The following PKD1L1 variants were observed in gnomAD, a reference collection of about 807,000 sequenced individuals.
PKD1L1 encodes the protein polycystin-1-like protein 1.
PKD1L1 carries 236 observed loss-of-function variants against 323.4 expected under a neutral mutation model. That is an observed-to-expected ratio of 0.73 (90% confidence interval 0.66 to 0.81). PKD1L1 has a LOEUF of 0.81. PKD1L1 is among the 40% of genes least tolerant of loss of function. The probability of loss-of-function intolerance (pLI) is 0.00; values close to 1 mark genes in which losing one functional copy is unlikely to be tolerated. For synonymous variants in PKD1L1, 1,344 were observed against 1,335.0 expected, an observed-to-expected ratio of 1.01 and a Z score of -0.15; for missense variants, 3,320 against 3,508.0, an observed-to-expected ratio of 0.95 and a Z score of 1.35.
intron 27 of PKD1L1, 64 bp downstream of exon 27, chr7:47,858,609 T>C (rs1405178565): frequency 1.4e-6 from 2 of 1,456,710 alleles, no homozygotes; most frequent in Non-Finnish European, 1.9e-6. Context: ...CAATTACAAA[T>C]ACAGGTTAAC....
chr7:47,817,615 T>A (rs1490951872), intron 46 of PKD1L1, among the ~76,000 whole-genome samples: 1 of 152,220 alleles, frequency 6.6e-6, no homozygotes, highest in African/African-American at 2.4e-5. Flanking sequence ...AGGCCTATAA[T>A]CCTAGCACTT....
chr7:47,858,017 CA>C (rs1318818468), intron 27 of PKD1L1, among the ~76,000 whole-genome samples, 185 bp from the exon 28 acceptor site: 1 of 152,164 alleles, frequency 6.6e-6, no homozygotes, highest in African/African-American at 2.4e-5. Context: ...TGTTCTTAAA[CA>C]CTTGTGAGTA....
intron 46 of PKD1L1, among the ~76,000 whole-genome samples, chr7:47,820,675 T>G (rs1477210542): frequency 6.6e-6 from 1 of 151,518 alleles, no homozygotes; most frequent in East Asian, 1.9e-4. Flanking sequence ...TGCAGTGAGC[T>G]GAGATGGCGC....
At chr7:47,953,314 C>T (rs774050539), upstream of PKD1L1, among the ~76,000 whole-genome samples, 2 of 152,194 alleles carry the variant, frequency 1.3e-5, no homozygotes, top group Non-Finnish European at 2.9e-5. Flanking sequence ...AGCTTCCTCA[C>T]CCTCACCTGC....
At chr7:47,790,084 T>A (rs1749388679) in intron 56 of PKD1L1, among the ~76,000 whole-genome samples, 1 of 151,842 alleles carries the variant, frequency 6.6e-6, no homozygotes, top group Non-Finnish European at 1.5e-5. Flanking sequence ...AGAGACGGAG[T>A]TTCACTGTGT....
chr7:47,833,568 C>T (rs980788733), intron 40 of PKD1L1, among the ~76,000 whole-genome samples: 1 of 152,130 alleles, frequency 6.6e-6, no homozygotes, highest in African/African-American at 2.4e-5. Context: ...CAGCCAAGAG[C>T]AACGGGTTGA....
chr7:47,792,699 TG>T lies in PKD1L1; in HGVS notation c.8453del (p.Thr2818AsnfsTer15). On this transcript the variant is annotated frameshift_variant, in exon 56 of 57. Transcript: ENST00000289672. LOFTEE classifies it high-confidence loss of function. ...DSLQLPLLEK[T>X]SNNTGEARTE... ...TCCTTGCCTCCCCTGTGTTGTTGGA[TG>T]TTTTTTCCAGAAGGGGGAGTTGTAG... 2 of 1,614,152 alleles carry T rather than the reference TG, an allele frequency of 1.2e-6. 1 individual carries two copies. The highest frequency in any genetic ancestry group is 2.2e-5 in the South Asian group (2 of 91,088).
At chr7:47,831,483 G>C (rs1485977368) in intron 41 of PKD1L1, 131 bp from the exon 42 acceptor site, 2 of 1,234,660 alleles carry the variant, frequency 1.6e-6, no homozygotes, top group Non-Finnish European at 2.2e-6. Context: ...GGTTAAATGT[G>C]ATTTTTGAGT....
intron 4 of PKD1L1, among the ~76,000 whole-genome samples, chr7:47,936,565 T>A (rs978190622): frequency 6.6e-6 from 1 of 152,214 alleles, no homozygotes; most frequent in East Asian, 1.9e-4. Context: ...GCTCACCATA[T>A]TCCTTCCCAG....
At chr7:47,944,463 T>C (rs892183079) in intron 1 of PKD1L1, among the ~76,000 whole-genome samples, 7 of 152,242 alleles carry the variant, frequency 4.6e-5, no homozygotes. Flanking sequence ...AAGAATAGCC[T>C]AATGCAGATG....
chr7:47,822,594 C>CA (rs745820560), intron 45 of PKD1L1, among the ~76,000 whole-genome samples: 29,500 of 71,412 alleles, frequency 0.41, 7,805 homozygotes, highest in East Asian at 0.51. Flanking sequence ...GACTCCGTCT[C>CA]AAAAAAAAAA....
intron 45 of PKD1L1, among the ~76,000 whole-genome samples, chr7:47,826,683 G>T (rs778198782): frequency 6.6e-6 from 1 of 152,192 alleles, no homozygotes; most frequent in African/African-American, 2.4e-5. Flanking sequence ...TTTAGAGAAG[G>T]CTCCTTGTGG....
chr7:47,907,360 ATTTGC>A (rs1045354102), intron 9 of PKD1L1, among the ~76,000 whole-genome samples: 11 of 152,216 alleles, frequency 7.2e-5, no homozygotes, highest in Admixed American at 5.2e-4. Context: ...GCTGGCTCCC[ATTTGC>A]TTTGTTGCAA....
At chr7:47,954,038 G>C in the PKD1L1 span, among the ~76,000 whole-genome samples, 1 of 152,330 alleles carries the variant, frequency 6.6e-6, no homozygotes, top group East Asian at 1.9e-4. Flanking sequence ...AGTGGTTAGT[G>C]TATATATGTA....
intron 3 of PKD1L1, among the ~76,000 whole-genome samples, chr7:47,937,704 C>T (rs1313075402): frequency 6.6e-6 from 1 of 152,118 alleles, no homozygotes; most frequent in East Asian, 1.9e-4. Context: ...TATGGGGTGG[C>T]CGGGCTGGCT....
intron 46 of PKD1L1, among the ~76,000 whole-genome samples, chr7:47,817,254 A>C (rs1490233671): frequency 2.0e-5 from 3 of 151,874 alleles, no homozygotes; most frequent in African/African-American, 7.3e-5. Context: ...AACAAACAAA[A>C]AAACCATGGT....
At position 47,876,165 on chromosome 7, in the gene PKD1L1, A is replaced by G; in HGVS notation, c.3716T>C (p.Leu1239Ser). 1 of 1,614,166 alleles carries G rather than the reference A, an allele frequency of 6.2e-7. No homozygotes were observed. The highest frequency in any genetic ancestry group is 2.2e-5 in the East Asian group (1 of 44,882). ...ATACTGGGTGTCTCTCCCATGGTAC[A>G]AAGTGTGTTTGGAGGTGTTTCCTAT... ...YQIGNTSKHT[L>S]YHGRDTQYYF... Residue 1239 changes from leucine (L) to serine (S), a missense_variant, in exon 23 of 57, where the codon TTG (leucine) becomes TCG (serine). By Grantham distance (145) the Leu-to-Ser change is moderately radical. Coordinates refer to ENST00000289672, the MANE Select transcript of PKD1L1 (RefSeq NM_138295.5).
rs1292474178 is a variant in PKD1L1, at chr7:47,885,919, T to G, written c.2972A>C (p.Glu991Ala). ...TTGGCCAAGGGTCACGGGTGAAGGT[T>G]CCCGTGAGAATGGTGTGGTCGTTGC... is the stretch of plus-strand genomic sequence containing the variant. ...PDATTTPFSR[E>A]PSPVTLGQPA... The change falls in exon 18 of 57, where the codon GAA becomes GCA. Residue 991 changes from glutamate to alanine, a missense_variant. By Grantham distance (107) the Glu-to-Ala change is moderately radical (BLOSUM62 -1). Transcript: ENST00000289672. 13 of 1,614,120 alleles carry G rather than the reference T, an allele frequency of 8.1e-6. No homozygotes were observed. The highest frequency in any genetic ancestry group is 1.0e-5 in the Non-Finnish European group (12 of 1,180,022).
chr7:47,829,068 G>A (rs1785290614), intron 44 of PKD1L1, among the ~76,000 whole-genome samples: 1 of 152,216 alleles, frequency 6.6e-6, no homozygotes, highest in East Asian at 1.9e-4. Context: ...GATGAAGGCA[G>A]GGAGAGAGGA....
Sources: allele counts gnomAD v4.1 joint callset (sites outside exome capture counted in the v4.1 genomes callset), GRCh38; gene constraint gnomAD v4.1.1; transcripts MANE v1.5; gene names NCBI Gene and HGNC (gene_info 2026-07-23, HGNC 2026-07-21).